Variants in OPN5 observed in about 807,000 individuals in gnomAD.
The protein encoded by OPN5 is opsin-5.
In OPN5, 18 loss-of-function variants were observed where a neutral mutation model predicts 41.7. The ratio of observed to expected loss-of-function variants is 0.43; its 90% CI spans 0.30 to 0.64. OPN5 has a LOEUF of 0.64. Among genes scored for constraint, OPN5 ranks in the 30% least tolerant of loss-of-function variants. The pLI is 0.13. For missense variants in OPN5, 318 were observed against 434.5 expected (o/e 0.73, Z 2.38); for synonymous variants, 178 against 164.3 (o/e 1.08, Z -0.64).
At chr6:47,810,800 C>A (rs1774160818) in intron 5 of OPN5, among the ~76,000 whole-genome samples, 1 of 152,144 alleles carries the variant, frequency 6.6e-6, no homozygotes, top group Admixed American at 6.6e-5. Context: ...GTTATTCTTT[C>A]CTACACCTGG....
chr6:47,791,807 G>A, exon 3 of OPN5: 1 of 1,613,976 alleles, frequency 6.2e-7, no homozygotes, highest in Non-Finnish European at 8.5e-7. Flanking sequence ...TCTAGTTGTA[G>A]GCAAGCCGTT....
At chr6:47,809,482 T>C (rs1483510147) in intron 5 of OPN5, among the ~76,000 whole-genome samples, 1 of 152,226 alleles carries the variant, frequency 6.6e-6, no homozygotes, top group East Asian at 1.9e-4. Context: ...ATTATCATTA[T>C]TGCTGTGGTA....
downstream of OPN5, chr6:47,825,882 T>C (rs1200529994): frequency 6.6e-6 from 1 of 152,142 alleles, no homozygotes; most frequent in Non-Finnish European, 1.5e-5. Flanking sequence ...CTCCGAAGTA[T>C]GAGAAGAGCT....
At chr6:47,798,163 T>G (rs906765052) in intron 4 of OPN5, among the ~76,000 whole-genome samples, 1 of 152,118 alleles carries the variant, frequency 6.6e-6, no homozygotes, top group African/African-American at 2.4e-5. Flanking sequence ...AATATTATAT[T>G]AAGAACATGT....
chr6:47,804,966 T>C (rs1014342871), intron 4 of OPN5, among the ~76,000 whole-genome samples: 10 of 152,236 alleles, frequency 6.6e-5, no homozygotes. Context: ...TTTTTGTCAA[T>C]GACTTTGGCA....
At chr6:47,819,284 T>C (rs1001525334) in intron 6 of OPN5, among the ~76,000 whole-genome samples, 1 of 136,734 alleles carries the variant, frequency 7.3e-6, no homozygotes, top group African/African-American at 2.6e-5. Flanking sequence ...GGTAGTGGCA[T>C]CAATGCCATG....
intron 5 of OPN5, among the ~76,000 whole-genome samples, chr6:47,809,557 C>T (rs962572118): frequency 2.6e-5 from 4 of 152,138 alleles, no homozygotes; most frequent in East Asian, 1.9e-4. Flanking sequence ...GTTTACAATA[C>T]GTTTACAATA....
chr6:47,793,808 A>G, intron 3 of OPN5: 9 of 970,134 alleles, frequency 9.3e-6, no homozygotes, highest in Non-Finnish European at 1.1e-5. Context: ...CCCTAACCAT[A>G]AATGCTTATA....
intron 5 of OPN5, among the ~76,000 whole-genome samples, chr6:47,809,645 T>C (rs1774116233): frequency 6.6e-6 from 1 of 152,162 alleles, no homozygotes; most frequent in Admixed American, 6.5e-5. Flanking sequence ...CTCCTGAAGT[T>C]GTAAGAATTA....
chr6:47,792,869 T>C (rs1240013788), intron 3 of OPN5, among the ~76,000 whole-genome samples: 1 of 151,940 alleles, frequency 6.6e-6, no homozygotes, highest in Non-Finnish European at 1.5e-5. Context: ...GTCAATGTGG[T>C]AGAATTTCCC....
At chr6:47,817,198 A>G (rs111906823) in intron 6 of OPN5, among the ~76,000 whole-genome samples, 1,886 of 152,170 alleles carry the variant, frequency 0.012, 42 homozygotes, top group African/African-American at 0.043. Context: ...ACTGGAGATG[A>G]AGAAGGGGGT....
chr6:47,811,424 G>C (rs1038138963), intron 5 of OPN5, among the ~76,000 whole-genome samples: 3 of 152,030 alleles, frequency 2.0e-5, no homozygotes, highest in Admixed American at 2.0e-4. Flanking sequence ...TGGAAAACAG[G>C]AAACTCATGA....
intron 4 of OPN5, among the ~76,000 whole-genome samples, chr6:47,795,772 TCTCTCTCACA>T (rs1446409120): frequency 9.3e-6 from 1 of 107,624 alleles, no homozygotes. Flanking sequence ...TCTCTCTCTC[TCTCTCTCACA>T]CACACACACA....
At chr6:47,791,775 C>G in intron 2 of OPN5, 27 bp from the exon 3 acceptor site, 1 of 1,610,378 alleles carries the variant, frequency 6.2e-7, no homozygotes, top group Non-Finnish European at 8.5e-7. Context: ...AGAGGAACGT[C>G]TGTTGACAAG....
chr6:47,788,010 A>G (rs995567233), intron 2 of OPN5, among the ~76,000 whole-genome samples: 3 of 152,240 alleles, frequency 2.0e-5, no homozygotes, highest in African/African-American at 7.2e-5. Flanking sequence ...TCTTTAGCAC[A>G]CAGCAGATGT....
intron 6 of OPN5, among the ~76,000 whole-genome samples, chr6:47,822,452 T>C (rs1762657167): frequency 6.6e-6 from 1 of 152,220 alleles, no homozygotes; most frequent in African/African-American, 2.4e-5. Flanking sequence ...ACTGTACTCT[T>C]CCTATCTTTT....
At chr6:47,791,546 A>G (rs1773373803) in intron 2 of OPN5, among the ~76,000 whole-genome samples, 1 of 152,246 alleles carries the variant, frequency 6.6e-6, no homozygotes, top group Admixed American at 6.5e-5. Flanking sequence ...TAATTACTTT[A>G]AAGTTTTCCT....
At chr6:47,799,014 T>C (rs1402927554) in intron 4 of OPN5, among the ~76,000 whole-genome samples, 1 of 152,136 alleles carries the variant, frequency 6.6e-6, no homozygotes, top group Non-Finnish European at 1.5e-5. Context: ...TAATTATTTC[T>C]AGCTGGGTTA....
intron 6 of OPN5, among the ~76,000 whole-genome samples, chr6:47,822,236 G>C (rs1182381643): frequency 6.6e-6 from 1 of 152,068 alleles, no homozygotes; most frequent in Non-Finnish European, 1.5e-5. Flanking sequence ...TATGAGGGCT[G>C]TTAAGGGTCT....
Sources: allele counts gnomAD v4.1 joint callset (sites outside exome capture counted in the v4.1 genomes callset), GRCh38; gene constraint gnomAD v4.1.1; transcripts MANE v1.5; gene names NCBI Gene and HGNC (gene_info 2026-07-23, HGNC 2026-07-21).